Variants in RANBP9 observed in about 807,000 individuals in gnomAD.
RANBP9 encodes the protein RAN binding protein 9, also known as ran-binding protein 9.
Under a neutral mutation model 84.3 loss-of-function variants are expected in RANBP9, and 15 were observed. The ratio of observed to expected loss-of-function variants is 0.18; its 90% CI spans 0.12 to 0.27. RANBP9 has a LOEUF of 0.27. Among genes scored for constraint, RANBP9 ranks in the 10% least tolerant of loss-of-function variants. The probability of loss-of-function intolerance (pLI) is 1.00; values close to 1 mark genes in which losing one functional copy is unlikely to be tolerated. For synonymous variants in RANBP9, 392 were observed against 349.6 expected (o/e 1.12, Z -1.35); for missense variants, 809 against 912.8 (o/e 0.89, Z 1.46).
intron 2 of RANBP9, among the ~76,000 whole-genome samples, chr6:13,673,601 A>G (rs947464537): frequency 1.3e-5 from 2 of 152,212 alleles, no homozygotes; most frequent in African/African-American, 2.4e-5. Flanking sequence ...CAGCAATGCT[A>G]TAAGGGACAG....
chr6:13,654,829 A>G (rs1408698818), intron 4 of RANBP9, among the ~76,000 whole-genome samples: 2 of 152,218 alleles, frequency 1.3e-5, no homozygotes, highest in Non-Finnish European at 2.9e-5. Context: ...CTGCTCATCA[A>G]TGGTTTACCA....
chr6:13,639,444 C>T (rs1435256670), intron 9 of RANBP9, 119 bp downstream of exon 9: 1 of 1,127,704 alleles, frequency 8.9e-7, no homozygotes, highest in Non-Finnish European at 1.2e-6. Context: ...TCCCAAAGTG[C>T]TGGGATTACA....
intron 2 of RANBP9, among the ~76,000 whole-genome samples, chr6:13,689,856 T>C (rs1379987706): frequency 6.6e-6 from 1 of 152,212 alleles, no homozygotes; most frequent in African/African-American, 2.4e-5. Flanking sequence ...TAGTATATTA[T>C]GTCTTAAGAG....
intron 5 of RANBP9, among the ~76,000 whole-genome samples, chr6:13,645,333 ATATATG>A (rs2127766486): frequency 6.6e-6 from 1 of 152,228 alleles, no homozygotes; most frequent in African/African-American, 2.4e-5. Context: ...AAAACCTCAA[ATATATG>A]TATTTCAAGG....
intron 12 of RANBP9, among the ~76,000 whole-genome samples, chr6:13,630,833 T>C (rs1201196937): frequency 6.6e-6 from 1 of 151,758 alleles, no homozygotes; most frequent in Non-Finnish European, 1.5e-5. Flanking sequence ...GCCACTCTTC[T>C]CATTTTTCTA....
intron 1 of RANBP9, 52 bp downstream of exon 1, chr6:13,710,883 C>T: frequency 6.6e-7 from 1 of 1,522,098 alleles, no homozygotes; most frequent in Non-Finnish European, 8.9e-7. Context: ...CAGCGGCGGC[C>T]GGCCACGTCG....
chr6:13,668,230 G>A (rs546808000), intron 2 of RANBP9, among the ~76,000 whole-genome samples: 1 of 152,126 alleles, frequency 6.6e-6, no homozygotes, highest in Non-Finnish European at 1.5e-5. Flanking sequence ...ACAAACTACT[G>A]AAACTGCATA....
At chr6:13,682,775 T>C (rs1251408910) in intron 2 of RANBP9, among the ~76,000 whole-genome samples, 1 of 152,168 alleles carries the variant, frequency 6.6e-6, no homozygotes, top group Admixed American at 6.6e-5. Flanking sequence ...AATAAATATG[T>C]AAATATCACT....
At chr6:13,668,004 A>T (rs1356068075) in intron 2 of RANBP9, among the ~76,000 whole-genome samples, 6 of 152,106 alleles carry the variant, frequency 3.9e-5, no homozygotes, top group Non-Finnish European at 8.8e-5. Context: ...AGATTAGGGG[A>T]GAAATAAGAG....
chr6:13,667,311 C>A (rs980971664), intron 2 of RANBP9, among the ~76,000 whole-genome samples: 2 of 151,962 alleles, frequency 1.3e-5, no homozygotes, highest in African/African-American at 4.8e-5. Flanking sequence ...CTTTTTAATT[C>A]TTATTTTTGT....
chr6:13,637,297 A>C lies in RANBP9; in HGVS notation c.1673+511T>G, dbSNP rs557707899. Among the ~76,000 whole-genome samples the C allele has an allele frequency of 2.0e-5, 3 of 152,324 alleles. No individual in the cohort carries two copies. The East Asian group carries it at 5.8e-4, about 29-fold the overall frequency. ...ACTAAATGACTTAACCATCTGCTATATGCAAGCTACTTAAAGGCAGGCTTT... is the reference window on the plus strand; with the variant it reads ...ACTAAATGACTTAACCATCTGCTATCTGCAAGCTACTTAAAGGCAGGCTTT... On this transcript the variant is annotated intron_variant, in intron 10 of 13. Transcript: ENST00000011619.
At position 13,632,485 on chromosome 6, in the gene RANBP9, C is replaced by A; in HGVS notation, c.1832G>T (p.Gly611Val). ...TCTTTCTATGGCGGCCTGACTTCCT[C>A]CACACAACTGGCGTCTCAACTGACT... is the stretch of plus-strand genomic sequence containing the variant. ...DSSQLRRQLC[G>V]GSQAAIERMI... Residue 611 changes from glycine (G) to valine (V), a missense_variant, in exon 12 of 14, where the codon GGA (glycine) becomes GTA (valine). Gly to Val is a moderately radical substitution (Grantham distance 109, BLOSUM62 -3). Coordinates refer to ENST00000011619, the MANE Select transcript of RANBP9 (RefSeq NM_005493.3). 6.2e-7 allele frequency: 1 copy of A among 1,613,750 alleles called. No individual in the cohort carries two copies. The highest frequency in any genetic ancestry group is 8.5e-7 in the Non-Finnish European group (1 of 1,179,754).
chr6:13,706,175 T>A (rs1486443244), intron 1 of RANBP9, among the ~76,000 whole-genome samples: 1 of 151,156 alleles, frequency 6.6e-6, no homozygotes, highest in East Asian at 2.0e-4. Flanking sequence ...AAACCCTATC[T>A]CTACTAAAAA....
At chr6:13,704,714 CT>C (rs1364420510) in intron 1 of RANBP9, among the ~76,000 whole-genome samples, 1 of 152,016 alleles carries the variant, frequency 6.6e-6, no homozygotes, top group Admixed American at 6.6e-5. Flanking sequence ...CCCAAAATTG[CT>C]TGTAAAACCA....
At chr6:13,679,194 C>T (rs138112277) in intron 2 of RANBP9, among the ~76,000 whole-genome samples, 2,449 of 152,286 alleles carry the variant, frequency 0.016, 31 homozygotes, top group Middle Eastern at 0.034. Flanking sequence ...TTCTTGCCTT[C>T]GGAAAGTTCA....
At chr6:13,704,368 C>G (rs1018734725) in intron 1 of RANBP9, among the ~76,000 whole-genome samples, 1 of 152,178 alleles carries the variant, frequency 6.6e-6, no homozygotes, top group Non-Finnish European at 1.5e-5. Flanking sequence ...TGGCTCCTGC[C>G]TGTAATCCTA....
At chr6:13,698,530 T>C (rs1051174891) in intron 1 of RANBP9, among the ~76,000 whole-genome samples, 4 of 152,202 alleles carry the variant, frequency 2.6e-5, no homozygotes, top group Non-Finnish European at 4.4e-5. Context: ...AATAAATCTA[T>C]AGAAAACTAT....
At chr6:13,695,564 C>A (rs983120206) in intron 2 of RANBP9, among the ~76,000 whole-genome samples, 1 of 151,890 alleles carries the variant, frequency 6.6e-6, no homozygotes, top group Non-Finnish European at 1.5e-5. Context: ...AGGGTATTTG[C>A]AGCCAAATAT....
At chr6:13,633,914 C>G (rs1764862480) in intron 11 of RANBP9, among the ~76,000 whole-genome samples, 1 of 145,178 alleles carries the variant, frequency 6.9e-6, no homozygotes, top group Non-Finnish European at 1.5e-5. Context: ...GCTAATGTGT[C>G]TTGGAGCCAC....
Sources: allele counts gnomAD v4.1 joint callset (sites outside exome capture counted in the v4.1 genomes callset), GRCh38; gene constraint gnomAD v4.1.1; transcripts MANE v1.5; gene names NCBI Gene and HGNC (gene_info 2026-07-23, HGNC 2026-07-21).